The following PARVA variants were observed in gnomAD, a reference collection of about 807,000 sequenced individuals.
The protein encoded by PARVA is alpha-parvin.
PARVA carries 25 observed loss-of-function variants against 52.6 expected under a neutral mutation model. That is an observed-to-expected ratio of 0.48 (90% confidence interval 0.35 to 0.66). The LOEUF (loss-of-function observed/expected upper bound fraction) is 0.66. PARVA is among the 30% of genes least tolerant of loss of function. PARVA has a pLI of 0.01. For missense variants in PARVA, 373 were observed against 450.9 expected, an observed-to-expected ratio of 0.83 and a Z score of 1.56; for synonymous variants, 185 against 179.1, an observed-to-expected ratio of 1.03 and a Z score of -0.26.
At chr11:12,527,174 C>T (rs150708707) in intron 12 of PARVA, among the ~76,000 whole-genome samples, 1 of 152,200 alleles carries the variant, frequency 6.6e-6, no homozygotes, top group Non-Finnish European at 1.5e-5. Flanking sequence ...AATTCTTTGC[C>T]CACTTCTGTA....
intron 1 of PARVA, among the ~76,000 whole-genome samples, chr11:12,466,706 A>G (rs560711764): frequency 3.3e-5 from 5 of 151,078 alleles, no homozygotes; most frequent in East Asian, 1.9e-4. Context: ...CGTAGGTCAC[A>G]CAGATTTTCT....
At chr11:12,440,559 TG>T (rs1940452299) in intron 1 of PARVA, among the ~76,000 whole-genome samples, 1 of 152,262 alleles carries the variant, frequency 6.6e-6, no homozygotes, top group Non-Finnish European at 1.5e-5. Flanking sequence ...CGGGTTCAAC[TG>T]GGTTCTCTGT....
At chr11:12,463,526 C>G (rs1460365314) in intron 1 of PARVA, among the ~76,000 whole-genome samples, 1 of 152,162 alleles carries the variant, frequency 6.6e-6, no homozygotes, top group Non-Finnish European at 1.5e-5. Context: ...TTCATCACAT[C>G]ATATCAAGGG....
At chr11:12,420,741 C>T (rs1032788480) in intron 1 of PARVA, among the ~76,000 whole-genome samples, 3 of 152,178 alleles carry the variant, frequency 2.0e-5, no homozygotes, top group Non-Finnish European at 4.4e-5. Context: ...ATCACTTAAT[C>T]TTCTTACCAA....
intron 1 of PARVA, among the ~76,000 whole-genome samples, chr11:12,421,459 T>C (rs1340063984): frequency 6.6e-6 from 1 of 152,196 alleles, no homozygotes; most frequent in Non-Finnish European, 1.5e-5. Flanking sequence ...GCAACAGATT[T>C]TTTTTCTTTA....
At chr11:12,500,714 C>T (rs1423905691) in intron 5 of PARVA, among the ~76,000 whole-genome samples, 2 of 152,140 alleles carry the variant, frequency 1.3e-5, no homozygotes, top group Non-Finnish European at 2.9e-5. Flanking sequence ...TCGCTTGAAC[C>T]CAGGAGGCGG....
chr11:12,481,834 G>A (rs907721118), intron 4 of PARVA, among the ~76,000 whole-genome samples: 7 of 152,072 alleles, frequency 4.6e-5, no homozygotes, highest in African/African-American at 1.7e-4. Flanking sequence ...AAATGGCATA[G>A]GGGCCTCTCG....
intron 1 of PARVA, among the ~76,000 whole-genome samples, chr11:12,396,370 T>C (rs933897440): frequency 1.3e-5 from 2 of 152,046 alleles, no homozygotes; most frequent in African/African-American, 4.8e-5. Context: ...TGGCAATTTG[T>C]CTAGTTTGTC....
chr11:12,454,932 C>A (rs539843886), intron 1 of PARVA, among the ~76,000 whole-genome samples: 1 of 152,274 alleles, frequency 6.6e-6, no homozygotes, highest in Non-Finnish European at 1.5e-5. Flanking sequence ...GTCACATGCC[C>A]AACTTATTAT....
At chr11:12,391,099 T>C (rs1165394397) in intron 1 of PARVA, among the ~76,000 whole-genome samples, 2 of 152,190 alleles carry the variant, frequency 1.3e-5, no homozygotes, top group East Asian at 3.9e-4. Context: ...AAGGCTCTCA[T>C]GATGACTATA....
chr11:12,403,591 C>A (rs114215535), intron 1 of PARVA, among the ~76,000 whole-genome samples: 3 of 152,272 alleles, frequency 2.0e-5, no homozygotes, highest in Admixed American at 2.0e-4. Context: ...GCCAGTAAGC[C>A]GGTTTCTTTA....
At chr11:12,469,326 A>G (rs1478055600) in intron 1 of PARVA, among the ~76,000 whole-genome samples, 2 of 151,292 alleles carry the variant, frequency 1.3e-5, no homozygotes, top group Non-Finnish European at 3.0e-5. Context: ...GGGTTCAGGC[A>G]ATCTCCCTGC....
chr11:12,453,005 T>C (rs1460867323), intron 1 of PARVA: 2 of 456,300 alleles, frequency 4.4e-6, no homozygotes, highest in Non-Finnish European at 4.4e-6. Flanking sequence ...TCCTAGACCA[T>C]GGGCTGCGGG....
intron 1 of PARVA, among the ~76,000 whole-genome samples, chr11:12,437,994 C>T (rs941074029): frequency 6.6e-6 from 1 of 152,164 alleles, no homozygotes; most frequent in Non-Finnish European, 1.5e-5. Context: ...GGCGCAGTGG[C>T]TTACGTCTGT....
chr11:12,528,303 G>T lies in PARVA; in HGVS notation c.*378G>T. On this transcript the variant is annotated 3_prime_UTR_variant, in exon 13 of 13. Coordinates refer to ENST00000334956, the MANE Select transcript of PARVA (RefSeq NM_018222.5). ...CTGTGTGTCAGGCCCCACACTAAGT[G>T]CTCTGCTCTGATATACTCAAGGCCA... 1 of 255,812 alleles carries T rather than the reference G, an allele frequency of 3.9e-6. No individual in the cohort carries two copies. Among genetic ancestry groups the T allele is most frequent in the East Asian group, 7.9e-5 (1 of 12,644 alleles). The allele number at this position is 255,812 out of a possible 1,614,324, so 15.8% of individuals were successfully genotyped here.
At chr11:12,527,788 A>G (rs1941722127) in intron 12 of PARVA, 61 bp from the exon 13 acceptor site, 4 of 1,291,790 alleles carry the variant, frequency 3.1e-6, no homozygotes, top group Non-Finnish European at 4.5e-6. Flanking sequence ...GGGGCAGTGT[A>G]TGCCAGCTTT....
chr11:12,392,246 C>T (rs1039255933), intron 1 of PARVA, among the ~76,000 whole-genome samples: 1 of 150,612 alleles, frequency 6.6e-6, no homozygotes, highest in South Asian at 2.1e-4. Context: ...TATGTTGTAG[C>T]ATGTATCTGT....
In PARVA at chr11:12,533,442, C is replaced by T. The variant is rs972830758; in HGVS notation, c.*5517C>T. ...GCATGAACTATAACTGCTCCAATGC[C>T]CACCACATTATATAAAATCTACCAA... On this transcript the variant is annotated 3_prime_UTR_variant, in exon 13 of 13. Coordinates refer to ENST00000334956, the MANE Select transcript of PARVA (RefSeq NM_018222.5). Among the ~76,000 whole-genome samples the T allele has an allele frequency of 6.6e-6, 1 of 152,088 alleles. No individual in the cohort carries two copies.
intron 1 of PARVA, among the ~76,000 whole-genome samples, chr11:12,466,358 G>A (rs1940854565): frequency 6.6e-6 from 1 of 150,588 alleles, no homozygotes; most frequent in Non-Finnish European, 1.5e-5. Context: ...CCAGGCTGGA[G>A]TGCAGTGGCC....
Sources: allele counts gnomAD v4.1 joint callset (sites outside exome capture counted in the v4.1 genomes callset), GRCh38; gene constraint gnomAD v4.1.1; transcripts MANE v1.5; gene names NCBI Gene and HGNC (gene_info 2026-07-23, HGNC 2026-07-21).